Variants in CDYL2 observed in about 807,000 individuals in gnomAD.
CDYL2 encodes the protein chromodomain Y like 2.
CDYL2 carries 23 observed loss-of-function variants against 49.4 expected under a neutral mutation model. The observed-to-expected ratio is 0.47, with a 90% confidence interval of 0.34 to 0.66. The LOEUF is 0.66. CDYL2 is among the 30% of genes least tolerant of loss of function. The probability of loss-of-function intolerance (pLI) is 0.01; values close to 1 mark genes in which losing one functional copy is unlikely to be tolerated. For missense variants in CDYL2, 678 were observed against 656.4 expected (o/e 1.03, Z -0.36); for synonymous variants, 360 against 268.8 (o/e 1.34, Z -3.32).
At chr16:80,724,347 T>A (rs752506315) in intron 1 of CDYL2, among the ~76,000 whole-genome samples, 4 of 151,722 alleles carry the variant, frequency 2.6e-5, no homozygotes, top group Admixed American at 1.3e-4. Flanking sequence ...GAGGAAGAAA[T>A]GGAGTAGAAG....
At chr16:80,745,531 C>G (rs1905897626) in intron 1 of CDYL2, among the ~76,000 whole-genome samples, 1 of 152,150 alleles carries the variant, frequency 6.6e-6, no homozygotes, top group South Asian at 2.1e-4. Context: ...AATATAAAAA[C>G]AGTACCCCCT....
At position 80,633,010 on chromosome 16, in the gene CDYL2, A is replaced by T. The variant is rs1249784912; in HGVS notation, c.834+9T>A. ...CAGCTTGCCCTTCCCTCTGGCCGCCACCCCTTACCTCAGGTGTCAGGGCAT... is the reference window on the plus strand; with the variant it reads ...CAGCTTGCCCTTCCCTCTGGCCGCCTCCCCTTACCTCAGGTGTCAGGGCAT... On this transcript the variant is annotated intron_variant, in intron 3 of 6. Coordinates refer to ENST00000570137, the MANE Select transcript of CDYL2 (RefSeq NM_152342.4). The T allele has an allele frequency of 6.2e-7, 1 of 1,610,318 alleles. No homozygotes were observed. Among genetic ancestry groups the T allele is most frequent in the Admixed American group, 1.7e-5 (1 of 59,970 alleles).
At chr16:80,783,942 T>TA (rs1396238880) in intron 1 of CDYL2, among the ~76,000 whole-genome samples, 1 of 152,132 alleles carries the variant, frequency 6.6e-6, no homozygotes, top group Non-Finnish European at 1.5e-5. Flanking sequence ...TTCCGCTACA[T>TA]AAAAAATGAA....
intron 2 of CDYL2, among the ~76,000 whole-genome samples, chr16:80,651,260 T>A (rs539328306): frequency 6.6e-6 from 1 of 152,088 alleles, no homozygotes; most frequent in Non-Finnish European, 1.5e-5. Context: ...AAATTAAAAA[T>A]AATTTTTTAA....
At chr16:80,779,708 T>C (rs1320835241) in intron 1 of CDYL2, among the ~76,000 whole-genome samples, 1 of 152,114 alleles carries the variant, frequency 6.6e-6, no homozygotes, top group African/African-American at 2.4e-5. Context: ...AGGAAATACT[T>C]ATATTGTTAA....
intron 1 of CDYL2, among the ~76,000 whole-genome samples, chr16:80,748,122 A>AAATAAT (rs71143647): frequency 0.026 from 3,598 of 135,962 alleles, 72 homozygotes; most frequent in Non-Finnish European, 0.029. Flanking sequence ...TGGGAAGATT[A>AAATAAT]AATAATAATA....
chr16:80,650,370 C>T (rs1456779058), intron 2 of CDYL2, among the ~76,000 whole-genome samples: 1 of 152,196 alleles, frequency 6.6e-6, no homozygotes, highest in Non-Finnish European at 1.5e-5. Context: ...AGGTGCTCAA[C>T]ATCACTGATC....
intron 1 of CDYL2, among the ~76,000 whole-genome samples, chr16:80,698,205 T>A (rs1459959270): frequency 6.6e-6 from 1 of 152,056 alleles, no homozygotes; most frequent in Admixed American, 6.6e-5. Context: ...GACACAAGAT[T>A]TCATGGCTAA....
intron 1 of CDYL2, among the ~76,000 whole-genome samples, chr16:80,730,785 G>T (rs1230474892): frequency 6.6e-6 from 1 of 152,176 alleles, no homozygotes. Flanking sequence ...AAAAAAGAAT[G>T]AATTACTGAT....
chr16:80,804,412 G>C lies in CDYL2; in HGVS notation c.-239C>G, dbSNP rs1908035230. ...GGCAGCAGCGGCGGCGGCGGCGGCG[G>C]CGGCACGAGCGCGGGCAGCAGCGAC... On this transcript the variant is annotated 5_prime_UTR_variant, in exon 1 of 7. Coordinates refer to ENST00000570137, the MANE Select transcript of CDYL2 (RefSeq NM_152342.4). The C allele has an allele frequency of 6.2e-6, 1 of 160,334 alleles. No individual in the cohort carries two copies. The highest frequency in any genetic ancestry group is 1.3e-5 in the Non-Finnish European group (1 of 77,384). The allele number at this position is 160,334 out of a possible 1,614,324, so 9.9% of individuals were successfully genotyped here.
chr16:80,604,078 G>C lies in CDYL2; in HGVS notation c.*310C>G, dbSNP rs953940687. 2.2e-5 allele frequency: 8 copies of C among 357,310 alleles called. No homozygotes were observed. The highest frequency in any genetic ancestry group is 4.2e-5 in the Non-Finnish European group (8 of 192,016). 22.1% of individuals were successfully genotyped at this position (357,310 alleles called of 1,614,324 possible). ...ATGTGAAAGTGGTCTTCCCCTTCCT[G>C]GACCGTCATGGTGCATTTCAGCAAG... On this transcript the variant is annotated 3_prime_UTR_variant, in exon 7 of 7. Coordinates refer to ENST00000570137, the MANE Select transcript of CDYL2 (RefSeq NM_152342.4).
chr16:80,671,848 G>A (rs886498195), intron 2 of CDYL2, among the ~76,000 whole-genome samples: 1 of 152,138 alleles, frequency 6.6e-6, no homozygotes, highest in Non-Finnish European at 1.5e-5. Context: ...TCCTGCCTCT[G>A]GGAATCTAGT....
chr16:80,667,967 G>GC (rs1909338675), intron 2 of CDYL2, among the ~76,000 whole-genome samples: 1 of 152,256 alleles, frequency 6.6e-6, no homozygotes, highest in East Asian at 1.9e-4. Context: ...CCCGGGCAAT[G>GC]CCCAGGGAGA....
chr16:80,776,717 G>C (rs1376138935), intron 1 of CDYL2, among the ~76,000 whole-genome samples: 1 of 151,562 alleles, frequency 6.6e-6, no homozygotes, highest in Non-Finnish European at 1.5e-5. Flanking sequence ...AAAAAAGCAA[G>C]ATGCAGAAGA....
At chr16:80,694,553 G>C (rs905183100) in intron 1 of CDYL2, among the ~76,000 whole-genome samples, 8 of 152,164 alleles carry the variant, frequency 5.3e-5, no homozygotes, top group African/African-American at 1.9e-4. Flanking sequence ...TACTGAATCG[G>C]AGTAAGAGAT....
intron 1 of CDYL2, among the ~76,000 whole-genome samples, chr16:80,693,092 G>A (rs991852880): frequency 1.4e-4 from 21 of 146,100 alleles, no homozygotes; most frequent in African/African-American, 5.3e-4. Flanking sequence ...CTCATCTATA[G>A]TGATCGAAGC....
intron 6 of CDYL2, 114 bp downstream of exon 6, chr16:80,607,978 G>A: frequency 2.4e-6 from 3 of 1,267,802 alleles, no homozygotes; most frequent in Non-Finnish European, 3.2e-6. Flanking sequence ...AGGGTCTTTT[G>A]CTTATTCCCT....
intron 1 of CDYL2, among the ~76,000 whole-genome samples, chr16:80,719,058 C>T (rs1904909331): frequency 6.6e-6 from 1 of 152,152 alleles, no homozygotes; most frequent in Non-Finnish European, 1.5e-5. Flanking sequence ...CTGAGATTCC[C>T]CAGGGACTCC....
At chr16:80,664,841 G>A (rs1484832634) in intron 2 of CDYL2, among the ~76,000 whole-genome samples, 1 of 152,178 alleles carries the variant, frequency 6.6e-6, no homozygotes, top group African/African-American at 2.4e-5. Context: ...AATGGGAAGG[G>A]TAATGACCCT....
Sources: allele counts gnomAD v4.1 joint callset (sites outside exome capture counted in the v4.1 genomes callset), GRCh38; gene constraint gnomAD v4.1.1; transcripts MANE v1.5; gene names NCBI Gene and HGNC (gene_info 2026-07-23, HGNC 2026-07-21).